Variants in DENND1A observed in about 807,000 individuals in gnomAD.
DENND1A encodes DENN domain containing 1A.
A neutral mutation model predicts 113.7 loss-of-function variants in DENND1A; 51 were observed. The observed-to-expected ratio is 0.45, with a 90% CI of 0.36 to 0.57. DENND1A has a LOEUF of 0.57. Among genes scored for constraint, DENND1A ranks in the 20% least tolerant of loss-of-function variants. DENND1A has a pLI of 0.00. For synonymous variants in DENND1A, 565 were observed against 570.8 expected (o/e 0.99, Z 0.14); for missense variants, 1,258 against 1,395.9 (o/e 0.90, Z 1.57).
chr9:123,458,359 A>G (rs948564411), intron 13 of DENND1A, among the ~76,000 whole-genome samples: 2 of 152,212 alleles, frequency 1.3e-5, no homozygotes, highest in East Asian at 1.9e-4. Flanking sequence ...ATTTCTAACT[A>G]TCTATTATCT....
chr9:123,729,067 C>T (rs1161221450), intron 5 of DENND1A, among the ~76,000 whole-genome samples: 1 of 152,090 alleles, frequency 6.6e-6, no homozygotes, highest in Non-Finnish European at 1.5e-5. Flanking sequence ...ATTCAACCCC[C>T]CTACATGCTA....
intron 13 of DENND1A, among the ~76,000 whole-genome samples, chr9:123,529,397 A>G (rs2055114167): frequency 6.6e-6 from 1 of 152,204 alleles, no homozygotes. Context: ...ACAACAATAG[A>G]CTTTTTTTAT....
At chr9:123,750,613 GAAC>G (rs1214279853) in intron 5 of DENND1A, among the ~76,000 whole-genome samples, 1 of 152,078 alleles carries the variant, frequency 6.6e-6, no homozygotes, top group Non-Finnish European at 1.5e-5. Context: ...AGAATAACAA[GAAC>G]AACACAGTAT....
chr9:123,775,857 T>C (rs1830400625), intron 3 of DENND1A, among the ~76,000 whole-genome samples: 1 of 152,180 alleles, frequency 6.6e-6, no homozygotes, highest in South Asian at 2.1e-4. Flanking sequence ...CAGTCGATAA[T>C]GGGCCCATGC....
intron 8 of DENND1A, among the ~76,000 whole-genome samples, chr9:123,666,560 T>C (rs934706358): frequency 6.6e-6 from 1 of 152,188 alleles, no homozygotes; most frequent in Non-Finnish European, 1.5e-5. Context: ...GAAAATTCTT[T>C]ATATGGAAAC....
At chr9:123,556,330 C>T (rs1589123966) in intron 13 of DENND1A, among the ~76,000 whole-genome samples, 1 of 152,108 alleles carries the variant, frequency 6.6e-6, no homozygotes, top group Non-Finnish European at 1.5e-5. Flanking sequence ...ACTGCCCCGG[C>T]CACTTCACAG....
intron 13 of DENND1A, among the ~76,000 whole-genome samples, chr9:123,548,554 C>T (rs549256009): frequency 6.6e-6 from 1 of 152,294 alleles, no homozygotes; most frequent in South Asian, 2.1e-4. Context: ...CCCACAACTG[C>T]GCTTTTAGGT....
In DENND1A at chr9:123,819,517, A is replaced by C. The variant is rs568464985; in HGVS notation, c.89-26887T>G. 5.3e-5 allele frequency among the ~76,000 whole-genome samples: 8 copies of C among 152,280 alleles called. No homozygotes were observed. The East Asian group carries it at 1.5e-3, about 29-fold the overall frequency. ...GATTATATCTTAAAGACTGGGATTA[A>C]AAAATATTTTATTTTTTTATTTTTG... On this transcript the variant is annotated intron_variant, in intron 2 of 23. Coordinates refer to ENST00000394215, the MANE Select transcript of DENND1A (RefSeq NM_001352964.2).
chr9:123,776,394 G>T (rs930548647), intron 3 of DENND1A, among the ~76,000 whole-genome samples: 1 of 152,176 alleles, frequency 6.6e-6, no homozygotes. Flanking sequence ...GGGAAGAAAA[G>T]TGATATACTG....
chr9:123,410,876 C>A (rs2044252485), intron 20 of DENND1A, among the ~76,000 whole-genome samples: 1 of 152,120 alleles, frequency 6.6e-6, no homozygotes, highest in South Asian at 2.1e-4. Flanking sequence ...ATCGAAAGGT[C>A]CTGGATGGTT....
At chr9:123,685,306 T>A (rs1424034614) in intron 5 of DENND1A, among the ~76,000 whole-genome samples, 1 of 152,220 alleles carries the variant, frequency 6.6e-6, no homozygotes, top group East Asian at 1.9e-4. Flanking sequence ...GCATTCTGCT[T>A]TGCTCACAGC....
In DENND1A at chr9:123,461,691, C is replaced by A. The variant is rs190320592; in HGVS notation, c.994-3794G>T. On this transcript the variant is annotated intron_variant, in intron 13 of 23. Coordinates refer to ENST00000394215, the MANE Select transcript of DENND1A (RefSeq NM_001352964.2). Reference sequence around the variant, plus strand: ...CTGCAGGAGAGCAGAAAGAATCTCGCCTTTGGGGAGACATAAACATTTTGG... The same window carrying A: ...CTGCAGGAGAGCAGAAAGAATCTCGACTTTGGGGAGACATAAACATTTTGG... Among the ~76,000 whole-genome samples the A allele has an allele frequency of 1.0e-3, 157 of 152,290 alleles. 1 individual carries two copies. Among genetic ancestry groups the A allele is most frequent in the African/African-American group, 3.6e-3 (151 of 41,558 alleles).
intron 5 of DENND1A, among the ~76,000 whole-genome samples, chr9:123,756,872 A>C (rs949959817): frequency 1.1e-4 from 17 of 152,254 alleles, no homozygotes; most frequent in African/African-American, 3.9e-4. Context: ...GCCCAACCCA[A>C]GCCTGGGGGC....
rs1459627724 is a variant in DENND1A, at chr9:123,466,808, G to GAGGA, written c.994-8915_994-8912dup. Reference sequence around the variant, plus strand: ...CTTAGAACATCACAGGCTGAGTGGGGAGGATCTCTTGAGCCCAGGAGTTTG... The same window carrying GAGGA: ...CTTAGAACATCACAGGCTGAGTGGGGAGGAAGGATCTCTTGAGCCCAGGAGTTTG... On this transcript the variant is annotated intron_variant, in intron 13 of 23. Coordinates refer to ENST00000394215, the MANE Select transcript of DENND1A (RefSeq NM_001352964.2). Among the ~76,000 whole-genome samples, 10 of 152,132 alleles carry GAGGA rather than the reference G, an allele frequency of 6.6e-5. No homozygotes were observed. The East Asian group carries it at 1.9e-3, about 29-fold the overall frequency.
Position 123,422,705 on chromosome 9 carries a change from T to C in DENND1A, c.1489-10876A>G, listed in dbSNP as rs955164918. 1.3e-5 allele frequency among the ~76,000 whole-genome samples: 2 copies of C among 152,236 alleles called. No individual in the cohort carries two copies. Among genetic ancestry groups the C allele is most frequent in the Non-Finnish European group, 2.9e-5 (2 of 68,036 alleles). On this transcript the variant is annotated intron_variant, in intron 19 of 23. Transcript: ENST00000394215. The surrounding 1 kb of genome is among the most constrained non-coding windows in gnomAD (Gnocchi z 4.8). ...AGAATATCAGAAGGCTGGGGGAATA[T>C]GCGGCTCTCCAATTTGTACGGACTG... is the stretch of plus-strand genomic sequence containing the variant.
At chr9:123,471,939 G>A (rs764148093) in intron 13 of DENND1A, among the ~76,000 whole-genome samples, 9 of 152,346 alleles carry the variant, frequency 5.9e-5, no homozygotes, top group Non-Finnish European at 1.3e-4. Flanking sequence ...CAGAATCTCT[G>A]GATGGGGATT....
chr9:123,919,229 T>C (rs1412364438), intron 1 of DENND1A, among the ~76,000 whole-genome samples: 1 of 152,038 alleles, frequency 6.6e-6, no homozygotes, highest in Admixed American at 6.6e-5. Flanking sequence ...CCCAGCACTT[T>C]GGGAGGCCTA....
intron 13 of DENND1A, among the ~76,000 whole-genome samples, chr9:123,506,739 C>T (rs1478043321): frequency 6.6e-6 from 1 of 152,126 alleles, no homozygotes; most frequent in African/African-American, 2.4e-5. Context: ...TGTACAGGGT[C>T]ACATAGCCAG....
chr9:123,490,981 C>G (rs941483069), intron 13 of DENND1A, among the ~76,000 whole-genome samples: 1 of 152,214 alleles, frequency 6.6e-6, no homozygotes, highest in Non-Finnish European at 1.5e-5. Flanking sequence ...TCCAGAATAT[C>G]TGGTATTTCA....
Sources: gnomAD v4.1 joint callset for allele counts (sites outside exome capture counted in the v4.1 genomes callset) on GRCh38, gnomAD v4.1.1 for gene constraint, Gnocchi (gnomAD v3.1) non-coding constraint, MANE v1.5 for transcripts, NCBI Gene and HGNC (gene_info 2026-07-23, HGNC 2026-07-21) for gene names.